SATL1: variants seen among roughly 807,000 people sequenced by gnomAD.
SATL1 encodes spermidine/spermine N1-acetyl transferase like 1, also known as spermidine/spermine N(1)-acetyltransferase-like protein 1.
A neutral mutation model predicts 51.8 loss-of-function variants in SATL1; 47 were observed. The observed-to-expected ratio is 0.91, with a 90% confidence interval of 0.72 to 1.16. SATL1 has a LOEUF of 1.16. Ranked by LOEUF, SATL1 falls within the 50% of genes most tolerant of loss-of-function variation. The probability of loss-of-function intolerance (pLI) is 0.00; values close to 1 mark genes in which losing one functional copy is unlikely to be tolerated. For synonymous variants in SATL1, 176 were observed against 182.4 expected (o/e 0.97, Z 0.28); for missense variants, 520 against 526.4 (o/e 0.99, Z 0.12).
chrX:85,152,582 G>T (rs1386817938), intron 2 of SATL1, among the ~76,000 whole-genome samples: 1 of 111,376 alleles, frequency 9.0e-6, no homozygotes, highest in African/African-American at 3.3e-5. Flanking sequence ...GTCCAACAAT[G>T]ATAGACTGGA....
chrX:85,181,259 T>C (rs955523934), intron 2 of SATL1, among the ~76,000 whole-genome samples: 35 of 108,208 alleles, frequency 3.2e-4, no homozygotes, highest in Non-Finnish European at 5.9e-4. Flanking sequence ...GAAAAATTCA[T>C]CTAAGTGAAT....
chrX:85,146,666 G>A (rs964245142), intron 2 of SATL1, among the ~76,000 whole-genome samples: 1 of 112,066 alleles, frequency 8.9e-6, no homozygotes. Flanking sequence ...ACCTTACTTA[G>A]GATCTGACAT....
At chrX:85,170,461 T>G (rs994860055) in intron 2 of SATL1, among the ~76,000 whole-genome samples, 7 of 111,639 alleles carry the variant, frequency 6.3e-5, no homozygotes, top group African/African-American at 2.3e-4. Context: ...TCTAAGATGA[T>G]TCAAAGCAAT....
In SATL1 at chrX:85,107,554, C is replaced by T; in HGVS notation, c.1415G>A (p.Ser472Asn). ...SQSSKNQTGM[S>N]HPGRGQPGIW... ...GCCTGGTTGGCCCCTGCCTGGATGG[C>T]TCATGCCTGTTTGGTTCTTACTTGA... The change falls in exon 3 of 8, where the codon AGC (serine) becomes AAC (asparagine). Residue 472 changes from serine to asparagine, a missense_variant. Ser to Asn is a conservative substitution (Grantham distance 46, BLOSUM62 1). Transcript: ENST00000644105. 8 of 1,212,251 alleles carry T rather than the reference C, an allele frequency of 6.6e-6. No individual in the cohort carries two copies. Among genetic ancestry groups the T allele is most frequent in the Non-Finnish European group, 7.8e-6 (7 of 895,644 alleles).
intron 1 of SATL1, among the ~76,000 whole-genome samples, chrX:85,227,429 A>G (rs1441818117): frequency 8.9e-6 from 1 of 112,136 alleles, no homozygotes; most frequent in Non-Finnish European, 1.9e-5. Context: ...CACCCAATCA[A>G]TTAATAGATC....
chrX:85,152,681 A>AT (rs1906557938), intron 2 of SATL1, among the ~76,000 whole-genome samples: 1 of 111,570 alleles, frequency 9.0e-6, no homozygotes, highest in South Asian at 3.8e-4. Flanking sequence ...CATGGATGAA[A>AT]TTGGAAATCA....
chrX:85,109,790 C>G (rs1312221000), intron 2 of SATL1, among the ~76,000 whole-genome samples: 1 of 111,114 alleles, frequency 9.0e-6, no homozygotes, highest in Non-Finnish European at 1.9e-5. Context: ...GGGTGGATGG[C>G]CTGGGGTCAG....
At chrX:85,100,221 C>CAA (rs34627358) in intron 4 of SATL1, among the ~76,000 whole-genome samples, 27 of 109,330 alleles carry the variant, frequency 2.5e-4, no homozygotes, top group South Asian at 1.6e-3. Context: ...AACAAAAAAA[C>CAA]AAAAAAAATC....
intron 2 of SATL1, among the ~76,000 whole-genome samples, chrX:85,112,427 A>T (rs1238762538): frequency 9.0e-6 from 1 of 111,172 alleles, no homozygotes; most frequent in African/African-American, 3.3e-5. Flanking sequence ...GACTTGCGGG[A>T]TGAAGCGCAC....
intron 2 of SATL1, among the ~76,000 whole-genome samples, chrX:85,191,906 C>T (rs892131650): frequency 9.0e-6 from 1 of 111,705 alleles, no homozygotes; most frequent in African/African-American, 3.3e-5. Context: ...TGTATATTTA[C>T]TATAAATACT....
chrX:85,138,488 C>T (rs185103061), intron 2 of SATL1, among the ~76,000 whole-genome samples: 178 of 111,504 alleles, frequency 1.6e-3, no homozygotes, highest in African/African-American at 5.6e-3. Flanking sequence ...GAATGTGACT[C>T]GGGAGTTTTT....
intron 2 of SATL1, among the ~76,000 whole-genome samples, chrX:85,212,310 T>G (rs1366763428): frequency 8.9e-6 from 1 of 111,796 alleles, no homozygotes; most frequent in Non-Finnish European, 1.9e-5. Flanking sequence ...CTTTTACACA[T>G]TTCCTGAGAA....
At chrX:85,159,935 G>T (rs1042102411) in intron 2 of SATL1, among the ~76,000 whole-genome samples, 1 of 111,614 alleles carries the variant, frequency 9.0e-6, no homozygotes, top group Non-Finnish European at 1.9e-5. Flanking sequence ...ATCCATTGGC[G>T]TTCTGGGACC....
intron 1 of SATL1, among the ~76,000 whole-genome samples, chrX:85,240,436 T>A (rs1335268453): frequency 8.9e-6 from 1 of 111,937 alleles, no homozygotes; most frequent in Non-Finnish European, 1.9e-5. Context: ...CATTGGAGGT[T>A]GTAAAATAGT....
At chrX:85,145,233 C>T (rs1206364485) in intron 2 of SATL1, among the ~76,000 whole-genome samples, 1 of 110,882 alleles carries the variant, frequency 9.0e-6, no homozygotes, top group East Asian at 2.8e-4. Flanking sequence ...CCTAGCAACC[C>T]AGTATTTATG....
chrX:85,142,167 C>T (rs1385555501), intron 2 of SATL1, among the ~76,000 whole-genome samples: 7 of 106,704 alleles, frequency 6.6e-5, no homozygotes, highest in Non-Finnish European at 1.2e-4. Context: ...GAGGCTGAGG[C>T]GGGTGGAACA....
At chrX:85,186,800 G>A (rs1263777818) in intron 2 of SATL1, among the ~76,000 whole-genome samples, 4 of 111,759 alleles carry the variant, frequency 3.6e-5, no homozygotes, top group Non-Finnish European at 7.5e-5. Context: ...CAGGTAGTGT[G>A]ATTGTTCACC....
chrX:85,166,313 C>A (rs906176183), intron 2 of SATL1, among the ~76,000 whole-genome samples: 1 of 111,641 alleles, frequency 9.0e-6, no homozygotes. Flanking sequence ...GTCTGCACAG[C>A]AAGAGAAATA....
intron 5 of SATL1, among the ~76,000 whole-genome samples, chrX:85,094,588 A>C (rs763958265): frequency 9.0e-6 from 1 of 110,746 alleles, no homozygotes; most frequent in East Asian, 2.9e-4. Context: ...TACAAAAAAT[A>C]ATTTTAAATT....
Sources: allele counts gnomAD v4.1 joint callset (sites outside exome capture counted in the v4.1 genomes callset), GRCh38; gene constraint gnomAD v4.1.1; transcripts MANE v1.5; gene names NCBI Gene and HGNC (gene_info 2026-07-23, HGNC 2026-07-21).